Variants in ACO2 observed in about 807,000 individuals in gnomAD.
The protein encoded by ACO2 is aconitate hydratase, mitochondrial.
In ACO2, 31 loss-of-function variants were observed where a neutral mutation model predicts 84.5. The observed-to-expected ratio is 0.37, with a 90% CI of 0.28 to 0.50. ACO2 has a LOEUF of 0.50. Among genes scored for constraint, ACO2 ranks in the 20% least tolerant of loss-of-function variants. ACO2 has a pLI of 0.97. For synonymous variants in ACO2, 414 were observed against 412.7 expected, an observed-to-expected ratio of 1.00 and a Z score of -0.04; for missense variants, 685 against 1,029.3, an observed-to-expected ratio of 0.67 and a Z score of 4.58.
At position 41,512,217 on chromosome 22, in the gene ACO2, CAT is replaced by C. The variant is rs966815597; in HGVS notation, c.525+250_525+251del. The stretch of plus-strand genomic sequence containing the variant: ...CAGGTAACCAGCATTTTAAGTGCGA[CAT>C]GTTTCTTTCCACATTGTCTTCTGGG... On this transcript the variant is annotated intron_variant, in intron 4 of 17. Coordinates refer to ENST00000216254, the MANE Select transcript of ACO2 (RefSeq NM_001098.3). The C allele has an allele frequency of 7.0e-6, 3 of 429,294 alleles. No homozygotes were observed. The Admixed American group carries it at 1.3e-4, about 19-fold the overall frequency. The allele number at this position is 429,294 out of a possible 1,614,324, so 26.6% of individuals were successfully genotyped here.
In ACO2 at chr22:41,525,294, G is replaced by A. The variant is rs1238586655; in HGVS notation, c.1707G>A (p.Glu569=). Residue 569 remains glutamate (E), a synonymous_variant, in exon 14 of 18, where the codon GAG becomes GAA. Coordinates refer to ENST00000216254, the MANE Select transcript of ACO2 (RefSeq NM_001098.3). ...CCAGCCAGCGCCTGCAGCTCCTGGAGCCTTTTGACAAGTGGGATGGCAAGG... is the reference window on the plus strand; with the variant it reads ...CCAGCCAGCGCCTGCAGCTCCTGGAACCTTTTGACAAGTGGGATGGCAAGG... The part of the protein sequence containing the change: ...SPTSQRLQLL[E]PFDKWDGKDL... The A allele has an allele frequency of 6.2e-7, 1 of 1,614,074 alleles. No individual in the cohort carries two copies. Among genetic ancestry groups the A allele is most frequent in the Middle Eastern group, 1.7e-4 (1 of 6,060 alleles).
At position 41,525,112 on chromosome 22, in the gene ACO2, C is replaced by T. The variant is rs921532569; in HGVS notation, c.1606-81C>T. On this transcript the variant is annotated intron_variant, in intron 13 of 17. Coordinates refer to ENST00000216254, the MANE Select transcript of ACO2 (RefSeq NM_001098.3). ...GTTCCCTGGGAGGGGAGGTGGGGCC[C>T]GAGGAAACTTGCCTTCTGAGAGTCT... 51 of 1,593,584 alleles carry T rather than the reference C, an allele frequency of 3.2e-5. No homozygotes were observed. The African/African-American group carries it at 4.2e-4, about 13-fold the overall frequency.
chr22:41,486,475 T>TTC lies in ACO2; in HGVS notation c.37-13250_37-13249insCT, dbSNP rs1285758129. ...CGCCCGGCTAACTTTTTGTATTTTT[T>TTC]TTTTTTTTTTTTTGAGACGGAGTCT... On this transcript the variant is annotated intron_variant, in intron 1 of 17. Coordinates refer to ENST00000216254, the MANE Select transcript of ACO2 (RefSeq NM_001098.3). 4.5e-4 allele frequency among the ~76,000 whole-genome samples: 66 copies of TTC among 147,440 alleles called. 1 individual carries two copies. Among genetic ancestry groups the TTC allele is most frequent in the African/African-American group, 1.6e-3 (63 of 39,650 alleles).
intron 1 of ACO2, among the ~76,000 whole-genome samples, chr22:41,477,413 C>A (rs1344473092): frequency 1.3e-5 from 2 of 151,748 alleles, no homozygotes; most frequent in Non-Finnish European, 2.9e-5. Flanking sequence ...CCTGCCTCGG[C>A]CTCCCAAAGT....
At chr22:41,502,493 C>T (rs1229659174) in intron 2 of ACO2, among the ~76,000 whole-genome samples, 1 of 152,206 alleles carries the variant, frequency 6.6e-6, no homozygotes, top group African/African-American at 2.4e-5. Context: ...TCTTGGAGCT[C>T]TCACACCGCT....
intron 1 of ACO2, among the ~76,000 whole-genome samples, chr22:41,478,945 G>T (rs1209685482): frequency 1.3e-5 from 2 of 151,840 alleles, no homozygotes; most frequent in African/African-American, 4.8e-5. Context: ...TAATTTTCTT[G>T]TATGCCACAC....
In ACO2 at chr22:41,525,286, C is replaced by T. The variant is rs748272050; in HGVS notation, c.1699C>T (p.Leu567Phe). The T allele has an allele frequency of 6.2e-6, 10 of 1,614,114 alleles. No individual in the cohort carries two copies. In the Admixed American group the frequency reaches 1.7e-4, roughly 27 times the overall value. Residue 567 changes from leucine (L) to phenylalanine (F), a missense_variant, in exon 14 of 18, where the codon CTC becomes TTC. Coordinates refer to ENST00000216254, the MANE Select transcript of ACO2 (RefSeq NM_001098.3). ...DVSPTSQRLQ[L>F]LEPFDKWDGK... Reference sequence around the variant, plus strand: ...GAGCCCCACCAGCCAGCGCCTGCAGCTCCTGGAGCCTTTTGACAAGTGGGA... The same window carrying T: ...GAGCCCCACCAGCCAGCGCCTGCAGTTCCTGGAGCCTTTTGACAAGTGGGA...
intron 14 of ACO2, chr22:41,525,698 C>T (rs889492738): frequency 5.0e-5 from 14 of 280,900 alleles, no homozygotes; most frequent in Non-Finnish European, 6.1e-5. Context: ...ACACCTGGCA[C>T]GTCCACACAG....
chr22:41,518,462 C>T lies in ACO2; in HGVS notation c.941-19C>T, dbSNP rs375652573. The T allele has an allele frequency of 7.1e-5, 113 of 1,594,836 alleles. No homozygotes were observed. The highest frequency in any genetic ancestry group is 5.7e-4 in the Middle Eastern group (3 of 5,270). On this transcript the variant is annotated intron_variant, in intron 7 of 17. Transcript: ENST00000216254. ...GTTTATGTTTCACGTGCTCCATCCCCGTCCCTTGTTGATTTCAGACATTGC... is the reference window on the plus strand; with the variant it reads ...GTTTATGTTTCACGTGCTCCATCCCTGTCCCTTGTTGATTTCAGACATTGC...
At chr22:41,506,034 G>T (rs1569012793) in intron 2 of ACO2, among the ~76,000 whole-genome samples, 1 of 152,026 alleles carries the variant, frequency 6.6e-6, no homozygotes, top group Non-Finnish European at 1.5e-5. Flanking sequence ...TGCTTATCTT[G>T]TTAAATAGTG....
intron 1 of ACO2, among the ~76,000 whole-genome samples, chr22:41,472,938 G>C (rs955419958): frequency 6.6e-6 from 1 of 152,182 alleles, no homozygotes; most frequent in Non-Finnish European, 1.5e-5. Flanking sequence ...GTAACCTCTT[G>C]CATATAAATT....
At chr22:41,472,225 C>T (rs989772991) in intron 1 of ACO2, among the ~76,000 whole-genome samples, 2 of 151,852 alleles carry the variant, frequency 1.3e-5, no homozygotes, top group African/African-American at 2.4e-5. Flanking sequence ...TGGTGGCAGG[C>T]GCCTGTAGTC....
intron 9 of ACO2, among the ~76,000 whole-genome samples, chr22:41,521,007 T>G (rs1431581101): frequency 8.6e-6 from 1 of 116,884 alleles, no homozygotes; most frequent in African/African-American, 3.6e-5. Flanking sequence ...GACTCAAAAC[T>G]GCAGACTCAA....
Position 41,515,361 on chromosome 22 carries a change from T to C in ACO2, c.526-16T>C, listed in dbSNP as rs775973856. The C allele has an allele frequency of 5.6e-6, 9 of 1,612,038 alleles. No homozygotes were observed. Among genetic ancestry groups the C allele is most frequent in the Non-Finnish European group, 7.6e-6 (9 of 1,179,842 alleles). ...GCTGAGGGCTTCTAAATATAACATC[T>C]TGGATTATTTTTCAGATTATTCTGG... On this transcript the variant is annotated splice_polypyrimidine_tract_variant and intron_variant, in intron 4 of 17. Coordinates refer to ENST00000216254, the MANE Select transcript of ACO2 (RefSeq NM_001098.3). This position sits in a 1 kb window ranked among gnomAD's most constrained non-coding sequence, Gnocchi z 5.8.
intron 1 of ACO2, among the ~76,000 whole-genome samples, chr22:41,475,856 C>T (rs964613261): frequency 6.6e-6 from 1 of 151,016 alleles, no homozygotes; most frequent in Non-Finnish European, 1.5e-5. Flanking sequence ...CGAGATCGCG[C>T]CACTGCACTC....
At chr22:41,478,312 A>G (rs548955251) in intron 1 of ACO2, among the ~76,000 whole-genome samples, 121 of 151,520 alleles carry the variant, frequency 8.0e-4, no homozygotes, top group African/African-American at 2.8e-3. Context: ...TAATTTTTGT[A>G]TTTTTTGTTT....
At chr22:41,469,960 C>G (rs2037923363) in intron 1 of ACO2, among the ~76,000 whole-genome samples, 2 of 152,166 alleles carry the variant, frequency 1.3e-5, no homozygotes, top group African/African-American at 4.8e-5. Context: ...TCAGCCTGCC[C>G]TCACAGAACT....
chr22:41,502,643 C>T, intron 2 of ACO2, among the ~76,000 whole-genome samples: 1 of 152,228 alleles, frequency 6.6e-6, no homozygotes, highest in Non-Finnish European at 1.5e-5. Flanking sequence ...GAGCCTCACT[C>T]TGTCACCCAG....
At chr22:41,471,821 T>A (rs921173874) in intron 1 of ACO2, among the ~76,000 whole-genome samples, 2 of 152,090 alleles carry the variant, frequency 1.3e-5, no homozygotes, top group Non-Finnish European at 2.9e-5. Context: ...AGAAACAGGA[T>A]TAGAGAGCAA....
Sources: allele counts gnomAD v4.1 joint callset (sites outside exome capture counted in the v4.1 genomes callset), GRCh38; gene constraint gnomAD v4.1.1; non-coding constraint Gnocchi (gnomAD v3.1); transcripts MANE v1.5; gene names NCBI Gene and HGNC (gene_info 2026-07-23, HGNC 2026-07-21).